Variants in PCID2 observed in about 807,000 individuals in gnomAD.
The protein encoded by PCID2 is PCI domain containing 2.
PCID2 carries 41 observed loss-of-function variants against 61.3 expected under a neutral mutation model. The observed-to-expected ratio is 0.67, with a 90% CI of 0.52 to 0.87. The LOEUF is 0.87. Among genes scored for constraint, PCID2 ranks in the 40% least tolerant of loss-of-function variants. The pLI is 0.00. For missense variants in PCID2, 392 were observed against 493.4 expected, an observed-to-expected ratio of 0.79 and a Z score of 1.95; for synonymous variants, 187 against 177.8, an observed-to-expected ratio of 1.05 and a Z score of -0.41.
chr13:113,172,853 A>G (rs1322351906), downstream of PCID2, among the ~76,000 whole-genome samples: 3 of 152,170 alleles, frequency 2.0e-5, no homozygotes, highest in African/African-American at 7.2e-5. Flanking sequence ...AGGGTCGCCC[A>G]GGGTAGAATC....
In PCID2 at chr13:113,180,018, G is replaced by C. The variant is rs774441473; in HGVS notation, c.885C>G (p.His295Gln). The C allele has an allele frequency of 3.1e-6, 5 of 1,614,106 alleles. No homozygotes were observed. Among genetic ancestry groups the C allele is most frequent in the Non-Finnish European group, 2.5e-6 (3 of 1,179,998 alleles). Residue 295 changes from histidine to glutamine, a missense_variant, in exon 12 of 14, where the codon CAC (histidine) becomes CAG (glutamine). Physicochemically the swap from His to Gln is conservative, Grantham distance 24 (BLOSUM62 0). This residue lies in a region of PCID2 where 226 missense variants were observed against 296.5 expected (regional missense o/e 0.76). Transcript: ENST00000337344. ...AVSEGNLLLL[H>Q]EALAKHEAFF... ...AGGCCTCGTGCTTCGCCAGCGCCTC[G>C]TGCAGCAGCAGCAGGTTGCCCTCGC...
chr13:113,195,013 C>T, intron 6 of PCID2, 58 bp downstream of exon 6: 3 of 1,192,404 alleles, frequency 2.5e-6, no homozygotes, highest in Middle Eastern at 1.9e-4. Flanking sequence ...TGAAATTAAA[C>T]AACAGATAGT....
chr13:113,204,850 T>C (rs1342773392), intron 1 of PCID2, among the ~76,000 whole-genome samples: 1 of 152,092 alleles, frequency 6.6e-6, no homozygotes, highest in African/African-American at 2.4e-5. Flanking sequence ...CCTGGCCAAC[T>C]CTTAACAGCT....
At chr13:113,204,747 G>A (rs2039679704) in intron 1 of PCID2, among the ~76,000 whole-genome samples, 2 of 152,340 alleles carry the variant, frequency 1.3e-5, no homozygotes, top group South Asian at 4.1e-4. Flanking sequence ...GGGATGTGAA[G>A]AGGAAAAGCA....
the PCID2 span, chr13:113,171,601 C>G: frequency 6.2e-7 from 1 of 1,614,118 alleles, no homozygotes; most frequent in Non-Finnish European, 8.5e-7. This position sits in a 1 kb window ranked among gnomAD's most constrained non-coding sequence, Gnocchi z 5.1. Flanking sequence ...CAGATTTTAA[C>G]AGAACGAGCC....
At chr13:113,196,441 C>T (rs948701903) in intron 4 of PCID2, among the ~76,000 whole-genome samples, 13 of 152,196 alleles carry the variant, frequency 8.5e-5, no homozygotes, top group African/African-American at 3.1e-4. Flanking sequence ...ATTTCATACA[C>T]ACTGTCTCCT....
chr13:113,199,573 T>C (rs1441968497), intron 2 of PCID2, among the ~76,000 whole-genome samples: 1 of 152,142 alleles, frequency 6.6e-6, no homozygotes, highest in East Asian at 1.9e-4. Context: ...AATTTTACAA[T>C]GAAGGGATCT....
downstream of PCID2, among the ~76,000 whole-genome samples, chr13:113,175,280 T>C (rs1452681309): frequency 6.6e-6 from 1 of 152,210 alleles, no homozygotes; most frequent in African/African-American, 2.4e-5. Context: ...GTTTCTTTCA[T>C]CGCTAAGAAT....
rs531599882 is a variant in PCID2, at chr13:113,179,747, G to C, written c.986+170C>G. On this transcript the variant is annotated intron_variant, in intron 12 of 13. Coordinates refer to ENST00000337344, the MANE Select transcript of PCID2 (RefSeq NM_001127202.4). The surrounding 1 kb of genome is among the most constrained non-coding windows in gnomAD (Gnocchi z 4.3). ...TTGTGCTACTCACGTGTCTCGCGCA[G>C]GGTCCCCAGGAGGCAGTGGGCGGAG... is the stretch of plus-strand genomic sequence containing the variant. Among the ~76,000 whole-genome samples, 1 of 152,300 alleles carries C rather than the reference G, an allele frequency of 6.6e-6. No homozygotes were observed. Among genetic ancestry groups the C allele is most frequent in the Admixed American group, 6.5e-5 (1 of 15,300 alleles).
chr13:113,168,095 T>C, the PCID2 span, among the ~76,000 whole-genome samples: 4 of 152,248 alleles, frequency 2.6e-5, no homozygotes, highest in South Asian at 4.1e-4. Flanking sequence ...GGTTTTGGCA[T>C]AGGTCTTACA....
chr13:113,174,162 C>T (rs939895719), downstream of PCID2, among the ~76,000 whole-genome samples: 11 of 151,264 alleles, frequency 7.3e-5, no homozygotes, highest in South Asian at 2.1e-4. Flanking sequence ...CACTTGAACC[C>T]GGGAGGCAGA....
intron 1 of PCID2, among the ~76,000 whole-genome samples, chr13:113,205,734 AG>A (rs1478613591): frequency 1.3e-5 from 2 of 152,236 alleles, no homozygotes; most frequent in African/African-American, 4.8e-5. Context: ...GACACACAAA[AG>A]CCACATACTG....
chr13:113,195,172 G>C (rs752385070), intron 5 of PCID2, 47 bp from the exon 6 acceptor site: 1 of 1,180,796 alleles, frequency 8.5e-7, no homozygotes, highest in East Asian at 2.3e-5. Context: ...CGTGGGCCAA[G>C]ATTCCATCCC....
In PCID2 at chr13:113,184,480, T is replaced by G. The variant is rs548252603; in HGVS notation, c.551A>C (p.Lys184Thr). 1 of 1,576,626 alleles carries G rather than the reference T, an allele frequency of 6.3e-7. No homozygotes were observed. The highest frequency in any genetic ancestry group is 1.3e-5 in the African/African-American group (1 of 74,222). ...AATTAGGGGTTTACATAAATGGAGT[T>G]TGTTGATCTATAATGAATAACAATC... ...QLFKIYFKINKLHLCKPLIRA... is the reference protein window; with the variant it reads ...QLFKIYFKINTLHLCKPLIRA... The change falls in exon 9 of 14, where the codon AAA becomes ACA. Residue 184 changes from lysine to threonine, a missense_variant. Lys to Thr is a moderately conservative substitution (Grantham distance 78). Around this residue, in one of 3 missense-constraint regions of PCID2, gnomAD observed 226 missense variants for 296.5 expected, o/e 0.76. Coordinates refer to ENST00000337344, the MANE Select transcript of PCID2 (RefSeq NM_001127202.4).
chr13:113,206,956 A>C (rs949404634), intron 1 of PCID2, among the ~76,000 whole-genome samples: 5 of 152,166 alleles, frequency 3.3e-5, no homozygotes, highest in South Asian at 4.1e-4. Context: ...CTTTAACCCA[A>C]ATCTGTCTGT....
downstream of PCID2, among the ~76,000 whole-genome samples, chr13:113,174,833 T>C (rs2037164032): frequency 6.6e-6 from 1 of 152,200 alleles, no homozygotes; most frequent in Non-Finnish European, 1.5e-5. Flanking sequence ...GGGCAGAGAT[T>C]ATTAAGTCCA....
At chr13:113,176,602 A>G (rs2037195474), downstream of PCID2, among the ~76,000 whole-genome samples, 9 of 8,666 alleles carry the variant, frequency 1.0e-3, no homozygotes, top group South Asian at 0.017. Context: ...GTCTCTACAA[A>G]AAATAAAAAA....
chr13:113,166,631 G>A, the PCID2 span, among the ~76,000 whole-genome samples: 11 of 152,248 alleles, frequency 7.2e-5, no homozygotes, highest in Admixed American at 2.0e-4. Context: ...GTGATGGAAG[G>A]CGGGGATGGA....
intron 2 of PCID2, among the ~76,000 whole-genome samples, chr13:113,198,847 T>G (rs1450102186): frequency 6.6e-6 from 1 of 152,204 alleles, no homozygotes; most frequent in Non-Finnish European, 1.5e-5. Flanking sequence ...TACATTTCAG[T>G]ATATTAGTAT....
Sources: gnomAD v4.1 joint callset for allele counts (sites outside exome capture counted in the v4.1 genomes callset) on GRCh38, gnomAD v4.1.1 for gene constraint, gnomAD v4.1.1 regional missense constraint, Gnocchi (gnomAD v3.1) non-coding constraint, MANE v1.5 for transcripts, NCBI Gene and HGNC (gene_info 2026-07-23, HGNC 2026-07-21) for gene names.